MOB3B: variants seen among roughly 807,000 people sequenced by gnomAD.
MOB3B encodes the protein MOB kinase activator 3B, also known as MOB kinase activator-like 2B.
A neutral mutation model predicts 18.7 loss-of-function variants in MOB3B; 7 were observed. The observed-to-expected ratio is 0.37, with a 90% CI of 0.21 to 0.70. MOB3B has a LOEUF of 0.70. Ranked by LOEUF, MOB3B falls within the 30% of genes least tolerant of loss-of-function variation. MOB3B has a pLI of 0.52. For synonymous variants in MOB3B, 111 were observed against 99.9 expected (o/e 1.11, Z -0.66); for missense variants, 253 against 281.3 (o/e 0.90, Z 0.72).
chr9:27,481,635 C>T (rs1819658028), intron 1 of MOB3B, among the ~76,000 whole-genome samples: 2 of 151,118 alleles, frequency 1.3e-5, no homozygotes, highest in Admixed American at 6.6e-5. Flanking sequence ...ATGCCACTCT[C>T]CTGCCTCAGC....
chr9:27,362,823 A>G (rs965031493), intron 2 of MOB3B, among the ~76,000 whole-genome samples: 1 of 152,214 alleles, frequency 6.6e-6, no homozygotes, highest in Non-Finnish European at 1.5e-5. Flanking sequence ...TCAGAGGCCA[A>G]TTCTACAGTT....
intron 1 of MOB3B, among the ~76,000 whole-genome samples, chr9:27,522,838 A>T (rs1277491892): frequency 6.6e-6 from 1 of 152,032 alleles, no homozygotes; most frequent in Non-Finnish European, 1.5e-5. Flanking sequence ...TGTTTTCTTA[A>T]TGTTTTCCAA....
At chr9:27,337,545 A>G (rs923136642) in intron 3 of MOB3B, among the ~76,000 whole-genome samples, 4 of 152,268 alleles carry the variant, frequency 2.6e-5, no homozygotes, top group Middle Eastern at 6.8e-3. Context: ...ACATTTTGCT[A>G]TTTCCTTATC....
intron 1 of MOB3B, among the ~76,000 whole-genome samples, chr9:27,523,471 AAAAAAG>A (rs1048108111): frequency 9.2e-5 from 14 of 152,082 alleles, no homozygotes; most frequent in East Asian, 3.9e-4. Context: ...CACCAAAAAA[AAAAAAG>A]AAAAGAAAAG....
At chr9:27,341,790 C>T (rs949966407) in intron 3 of MOB3B, among the ~76,000 whole-genome samples, 3 of 152,164 alleles carry the variant, frequency 2.0e-5, no homozygotes, top group African/African-American at 7.2e-5. Flanking sequence ...CCCAAGGTTA[C>T]ATGGTTGATA....
At chr9:27,482,099 T>G (rs2131478708) in intron 1 of MOB3B, among the ~76,000 whole-genome samples, 1 of 151,850 alleles carries the variant, frequency 6.6e-6, no homozygotes, top group Admixed American at 6.6e-5. Context: ...AAGGGTGGAA[T>G]AAAAAAACAA....
Position 27,405,265 on chromosome 9 carries a change from G to A in MOB3B, c.419-46029C>T, listed in dbSNP as rs191560535. On this transcript the variant is annotated intron_variant, in intron 2 of 3. Coordinates refer to ENST00000262244, the MANE Select transcript of MOB3B (RefSeq NM_024761.5). ...TGGGATTACAGGCATATGCCACCAT[G>A]CCCGGTTAGTTTTTGTATTTTTAGT... is the stretch of plus-strand genomic sequence containing the variant. Among the ~76,000 whole-genome samples, 96 of 151,796 alleles carry A rather than the reference G, an allele frequency of 6.3e-4. 1 individual carries two copies. Among genetic ancestry groups the A allele is most frequent in the Non-Finnish European group, 1.1e-3 (73 of 67,894 alleles).
intron 3 of MOB3B, among the ~76,000 whole-genome samples, chr9:27,340,224 G>A (rs1010205948): frequency 2.0e-5 from 3 of 152,208 alleles, no homozygotes; most frequent in Non-Finnish European, 4.4e-5. Flanking sequence ...GTGCACATAT[G>A]TGCAGGCTCC....
chr9:27,408,521 C>G (rs576790338), intron 2 of MOB3B, among the ~76,000 whole-genome samples: 5 of 152,292 alleles, frequency 3.3e-5, no homozygotes, highest in African/African-American at 9.6e-5. Context: ...ATTCCACTAA[C>G]ATTTGGTTAC....
intron 1 of MOB3B, among the ~76,000 whole-genome samples, chr9:27,465,803 C>A (rs919826502): frequency 4.6e-5 from 7 of 152,182 alleles, no homozygotes; most frequent in Admixed American, 3.3e-4. Flanking sequence ...GAAGCCACAC[C>A]CTGAGCTCTA....
chr9:27,399,596 T>G (rs1424244433), intron 2 of MOB3B, among the ~76,000 whole-genome samples: 1 of 152,184 alleles, frequency 6.6e-6, no homozygotes, highest in African/African-American at 2.4e-5. Flanking sequence ...TGATGGGGTC[T>G]GGAGACCCTT....
intron 2 of MOB3B, among the ~76,000 whole-genome samples, chr9:27,437,115 G>T (rs1170251655): frequency 2.0e-5 from 3 of 152,154 alleles, no homozygotes; most frequent in African/African-American, 4.8e-5. Flanking sequence ...GTAGCCAGGG[G>T]CCTCCTCACA....
At chr9:27,414,126 G>A (rs1038269486) in intron 2 of MOB3B, among the ~76,000 whole-genome samples, 1 of 152,158 alleles carries the variant, frequency 6.6e-6, no homozygotes, top group African/African-American at 2.4e-5. Flanking sequence ...TCTCTCTGAC[G>A]GCTGCTTCCC....
At chr9:27,361,801 C>T (rs1244303798) in intron 2 of MOB3B, among the ~76,000 whole-genome samples, 2 of 152,162 alleles carry the variant, frequency 1.3e-5, no homozygotes, top group East Asian at 1.9e-4. Context: ...GCACTGCTCA[C>T]GGGCTCTGCA....
chr9:27,346,262 G>T (rs28736701), intron 3 of MOB3B, among the ~76,000 whole-genome samples: 17 of 152,130 alleles, frequency 1.1e-4, no homozygotes, highest in Non-Finnish European at 1.8e-4. Context: ...CCAGAACTGT[G>T]AGCAGTGCAT....
At chr9:27,527,365 C>CA (rs1554657846) in intron 1 of MOB3B, among the ~76,000 whole-genome samples, 1 of 151,860 alleles carries the variant, frequency 6.6e-6, no homozygotes, top group Non-Finnish European at 1.5e-5. Context: ...AAAGATGTTG[C>CA]TTTTTTTTCT....
chr9:27,417,204 A>G (rs1424774195), intron 2 of MOB3B, among the ~76,000 whole-genome samples: 1 of 152,144 alleles, frequency 6.6e-6, no homozygotes, highest in East Asian at 1.9e-4. Flanking sequence ...TCTACTAAAA[A>G]ATACAAAAAA....
intron 2 of MOB3B, among the ~76,000 whole-genome samples, chr9:27,434,766 C>A (rs1196166005): frequency 6.6e-6 from 1 of 152,126 alleles, no homozygotes; most frequent in Admixed American, 6.6e-5. Flanking sequence ...TCCTCCTAAA[C>A]CTCTCCAATC....
chr9:27,365,288 C>T (rs1563850929), intron 2 of MOB3B, among the ~76,000 whole-genome samples: 2 of 150,780 alleles, frequency 1.3e-5, no homozygotes, highest in South Asian at 2.1e-4. Context: ...CAATGAGGAA[C>T]ACTGTGATCC....
Sources: allele counts gnomAD v4.1 joint callset (sites outside exome capture counted in the v4.1 genomes callset), GRCh38; gene constraint gnomAD v4.1.1; transcripts MANE v1.5; gene names NCBI Gene and HGNC (gene_info 2026-07-23, HGNC 2026-07-21).